FRMPD3: variants seen among roughly 807,000 people sequenced by gnomAD.
The protein encoded by FRMPD3 is FERM and PDZ domain-containing protein 3.
In FRMPD3, 42 loss-of-function variants were observed where a neutral mutation model predicts 97.9. The observed-to-expected ratio is 0.43, with a 90% CI of 0.34 to 0.55. The LOEUF is 0.55. Ranked by LOEUF, FRMPD3 falls within the 20% of genes least tolerant of loss-of-function variation. The pLI is 0.03. For synonymous variants in FRMPD3, 577 were observed against 581.1 expected, an observed-to-expected ratio of 0.99 and a Z score of 0.10; for missense variants, 1,303 against 1,457.7, an observed-to-expected ratio of 0.89 and a Z score of 1.73.
At chrX:107,592,620 A>G (rs1208108442) in intron 13 of FRMPD3, among the ~76,000 whole-genome samples, 1 of 111,284 alleles carries the variant, frequency 9.0e-6, no homozygotes, top group Non-Finnish European at 1.9e-5. Flanking sequence ...TCTTTTTCAT[A>G]TAATGACTCT....
intron 1 of FRMPD3, among the ~76,000 whole-genome samples, chrX:107,519,564 A>T (rs913906263): frequency 1.8e-5 from 2 of 111,821 alleles, no homozygotes; most frequent in African/African-American, 6.5e-5. Context: ...TTTTACCATG[A>T]TTTCTTTTAA....
chrX:107,500,724 C>T (rs112260162), intron 1 of FRMPD3, among the ~76,000 whole-genome samples: 21 of 104,808 alleles, frequency 2.0e-4, no homozygotes, highest in African/African-American at 7.4e-4. Context: ...GAAAGAATCG[C>T]GTGAATCTGG....
intron 1 of FRMPD3, among the ~76,000 whole-genome samples, chrX:107,490,313 C>T (rs1395925394): frequency 8.9e-6 from 1 of 112,023 alleles, no homozygotes; most frequent in Non-Finnish European, 1.9e-5. Context: ...ATTGACTTGG[C>T]AGTGCAGGCT....
chrX:107,544,176 C>T (rs1454271704), intron 4 of FRMPD3, among the ~76,000 whole-genome samples: 2 of 110,868 alleles, frequency 1.8e-5, no homozygotes, highest in South Asian at 7.7e-4. Context: ...CACTTACATG[C>T]GGAATCTAAA....
At chrX:107,474,382 G>A (rs957553560) in intron 1 of FRMPD3, among the ~76,000 whole-genome samples, 1 of 111,256 alleles carries the variant, frequency 9.0e-6, no homozygotes, top group African/African-American at 3.3e-5. Context: ...GAATATGCAC[G>A]CCTGAGAGGT....
At position 107,603,562 on chromosome X, in the gene FRMPD3, C is replaced by T. The variant is rs568057867; in HGVS notation, c.*189C>T. On this transcript the variant is annotated 3_prime_UTR_variant, in exon 15 of 15. Transcript: ENST00000683843. ...TTAAGGGCTGCAGGCTTAGCTGCCG[C>T]CCTGGGTGTCCTCACCCCTTCCCTG... 88 of 883,015 alleles carry T rather than the reference C, an allele frequency of 1.0e-4. No individual in the cohort carries two copies. In the African/African-American group the frequency reaches 1.2e-3, roughly 12 times the overall value. 72.8% of individuals were successfully genotyped at this position (883,015 alleles called of 1,213,427 possible).
chrX:107,501,502 G>A, intron 1 of FRMPD3, among the ~76,000 whole-genome samples: 1 of 69,915 alleles, frequency 1.4e-5, no homozygotes, highest in Non-Finnish European at 2.5e-5. Context: ...CCGAGTAGCT[G>A]GGACTACAGG....
intron 1 of FRMPD3, among the ~76,000 whole-genome samples, chrX:107,468,106 C>T (rs1003952106): frequency 9.0e-6 from 1 of 111,435 alleles, no homozygotes; most frequent in Non-Finnish European, 1.9e-5. Flanking sequence ...AAAAGCCCAC[C>T]CCTACTCTAC....
At chrX:107,455,406 T>G (rs1465010215) in intron 1 of FRMPD3, among the ~76,000 whole-genome samples, 2 of 110,366 alleles carry the variant, frequency 1.8e-5, no homozygotes, top group African/African-American at 6.6e-5. Flanking sequence ...AACTAAAACA[T>G]TAGCTGGGTA....
intron 1 of FRMPD3, among the ~76,000 whole-genome samples, chrX:107,452,911 G>A (rs1469764774): frequency 9.2e-6 from 1 of 108,996 alleles, no homozygotes; most frequent in Non-Finnish European, 1.9e-5. Context: ...TGCTGGAGAT[G>A]GGGGTGGGGG....
intron 14 of FRMPD3, 88 bp from the exon 15 acceptor site, chrX:107,600,215 C>T (rs1924425277): frequency 1.8e-6 from 2 of 1,082,077 alleles, no homozygotes; most frequent in African/African-American, 1.9e-5. Flanking sequence ...TAGAGCCAAT[C>T]GCCCATGAAT....
Position 107,597,640 on chromosome X carries a change from C to G in FRMPD3, c.1761C>G (p.His587Gln). 2 of 1,210,710 alleles carry G rather than the reference C, an allele frequency of 1.7e-6. No homozygotes were observed. Among genetic ancestry groups the G allele is most frequent in the South Asian group, 1.8e-5 (1 of 57,000 alleles). Residue 587 changes from histidine to glutamine, a missense_variant, in exon 14 of 15, where the codon CAC becomes CAG. Around this residue, in one of 3 missense-constraint regions of FRMPD3, gnomAD observed 535 missense variants for 618.6 expected, o/e 0.86. Coordinates refer to ENST00000683843, the MANE Select transcript of FRMPD3 (RefSeq NM_001388459.1). The part of the protein sequence containing the change: ...PDDFDAASLD[H>Q]EPCASRARSY... ...ACTTTGATGCAGCTAGCCTAGACCA[C>G]GAGCCTTGTGCCAGCAGGGCCCGGT...
intron 1 of FRMPD3, among the ~76,000 whole-genome samples, chrX:107,464,352 T>C (rs967715465): frequency 5.4e-5 from 6 of 110,664 alleles, no homozygotes; most frequent in African/African-American, 2.0e-4. Flanking sequence ...CATTTATTTA[T>C]TTATTTTGTT....
intron 1 of FRMPD3, among the ~76,000 whole-genome samples, chrX:107,451,805 T>C (rs896093866): frequency 8.9e-5 from 10 of 111,805 alleles, no homozygotes; most frequent in Non-Finnish European, 1.9e-4. Context: ...GAAACAAGGT[T>C]GAGGGGAGCA....
intron 13 of FRMPD3, among the ~76,000 whole-genome samples, chrX:107,578,305 C>T (rs1253130596): frequency 8.9e-6 from 1 of 111,809 alleles, no homozygotes; most frequent in Non-Finnish European, 1.9e-5. Flanking sequence ...CCCATCAGCA[C>T]CCTAGCCAAT....
At chrX:107,480,137 A>C (rs769237415) in intron 1 of FRMPD3, among the ~76,000 whole-genome samples, 1 of 111,641 alleles carries the variant, frequency 9.0e-6, no homozygotes, top group Non-Finnish European at 1.9e-5. Flanking sequence ...GGAAGAAAAG[A>C]AATTCTTAAT....
chrX:107,500,191 G>A (rs1201629540), intron 1 of FRMPD3, among the ~76,000 whole-genome samples: 3 of 111,496 alleles, frequency 2.7e-5, no homozygotes, highest in African/African-American at 9.8e-5. Flanking sequence ...AAAGAGTGGC[G>A]AGGACTGGGG....
intron 8 of FRMPD3, among the ~76,000 whole-genome samples, chrX:107,556,104 T>C (rs768528534): frequency 1.8e-5 from 2 of 111,406 alleles, no homozygotes; most frequent in East Asian, 5.7e-4. Flanking sequence ...CAGCACTTAA[T>C]GAGAGAAAAA....
chrX:107,467,400 C>T (rs1031010212), intron 1 of FRMPD3, among the ~76,000 whole-genome samples: 1 of 111,448 alleles, frequency 9.0e-6, no homozygotes, highest in African/African-American at 3.3e-5. Flanking sequence ...TCCATAGGCA[C>T]AGGCTCACCA....
Sources: allele counts gnomAD v4.1 joint callset (sites outside exome capture counted in the v4.1 genomes callset), GRCh38; gene constraint gnomAD v4.1.1; regional missense constraint gnomAD v4.1.1; transcripts MANE v1.5; gene names NCBI Gene and HGNC (gene_info 2026-07-23, HGNC 2026-07-21).